Variants in CDH12 observed in about 807,000 individuals in gnomAD.
The protein encoded by CDH12 is cadherin 12, also known as cadherin-12.
Under a neutral mutation model 74.1 loss-of-function variants are expected in CDH12, and 41 were observed. The ratio of observed to expected loss-of-function variants is 0.55; its 90% confidence interval spans 0.43 to 0.72. The LOEUF is 0.72. CDH12 is among the 30% of genes least tolerant of loss of function. The pLI is 0.00. For missense variants in CDH12, 945 were observed against 977.2 expected (o/e 0.97, Z 0.44); for synonymous variants, 399 against 355.0 (o/e 1.12, Z -1.39).
chr5:22,497,877 A>C (rs1276147226), intron 2 of CDH12, among the ~76,000 whole-genome samples: 1 of 151,904 alleles, frequency 6.6e-6, no homozygotes, highest in African/African-American at 2.4e-5. Context: ...TCCTGACCTC[A>C]AGTGATCCGC....
intron 3 of CDH12, among the ~76,000 whole-genome samples, chr5:22,218,126 C>A (rs960159598): frequency 6.6e-6 from 1 of 151,650 alleles, no homozygotes; most frequent in Non-Finnish European, 1.5e-5. Context: ...AAACCTATAA[C>A]CCTAAAACAC....
intron 2 of CDH12, among the ~76,000 whole-genome samples, chr5:22,439,329 G>A (rs1425176458): frequency 6.6e-6 from 1 of 151,960 alleles, no homozygotes; most frequent in Non-Finnish European, 1.5e-5. Flanking sequence ...ACATTAAAAT[G>A]TATTGCTTCA....
At chr5:21,863,619 G>A (rs1341609020) in intron 6 of CDH12, among the ~76,000 whole-genome samples, 3 of 152,068 alleles carry the variant, frequency 2.0e-5, no homozygotes, top group African/African-American at 7.2e-5. Context: ...AGAGTGACCT[G>A]GTAGCTGGTT....
At chr5:22,331,457 T>C (rs562739456) in intron 3 of CDH12, among the ~76,000 whole-genome samples, 1 of 152,280 alleles carries the variant, frequency 6.6e-6, no homozygotes, top group South Asian at 2.1e-4. Flanking sequence ...CTAGATTATA[T>C]CTAAGACCAC....
At chr5:22,725,561 T>C (rs879840328) in intron 1 of CDH12, among the ~76,000 whole-genome samples, 1 of 149,466 alleles carries the variant, frequency 6.7e-6, no homozygotes, top group Non-Finnish European at 1.5e-5. Context: ...AAATTTATTT[T>C]GGTGGACGAG....
At chr5:22,633,956 T>C (rs1738707692) in intron 1 of CDH12, among the ~76,000 whole-genome samples, 2 of 152,256 alleles carry the variant, frequency 1.3e-5, no homozygotes, top group South Asian at 2.1e-4. Context: ...TGAACAATTA[T>C]AATGTATAAG....
At chr5:21,915,621 C>G (rs1031696433) in intron 6 of CDH12, among the ~76,000 whole-genome samples, 1 of 152,112 alleles carries the variant, frequency 6.6e-6, no homozygotes, top group Non-Finnish European at 1.5e-5. Context: ...GACTGGGTCA[C>G]AAACCCTGCT....
chr5:22,298,922 C>T (rs527397693), intron 3 of CDH12, among the ~76,000 whole-genome samples: 2 of 152,274 alleles, frequency 1.3e-5, no homozygotes, highest in East Asian at 3.9e-4. Context: ...ATTAATAACT[C>T]ATTACTCATT....
intron 6 of CDH12, among the ~76,000 whole-genome samples, chr5:21,947,537 C>A (rs983143007): frequency 2.6e-5 from 4 of 152,292 alleles, no homozygotes; most frequent in Non-Finnish European, 5.9e-5. Context: ...TCCTAGAGAT[C>A]TGTGGAACTT....
intron 8 of CDH12, among the ~76,000 whole-genome samples, chr5:21,828,760 G>T (rs1451411875): frequency 6.6e-6 from 1 of 151,290 alleles, no homozygotes; most frequent in Non-Finnish European, 1.5e-5. Flanking sequence ...TGTTTTACTT[G>T]TCTTCTACTT....
chr5:22,042,891 A>AAAG (rs565502240), intron 5 of CDH12, among the ~76,000 whole-genome samples: 23,688 of 119,390 alleles, frequency 0.2, 1,681 homozygotes, highest in South Asian at 0.26. Context: ...TTCTATCTCA[A>AAAG]AAAAAAAAAA....
rs372793876 is a variant in CDH12 at position 21,830,120 on chromosome 5, A to G, written c.814+12041T>C. ...AGGCTGAGGCAAGAGAATCACTTAA[A>G]CCCAGGAGGTGGAGGTTGCAGTGAG... On this transcript the variant is annotated intron_variant, in intron 8 of 14. Transcript: ENST00000382254. 5.0e-4 allele frequency among the ~76,000 whole-genome samples: 73 copies of G among 144,946 alleles called. 1 individual carries two copies. The South Asian group carries it at 0.016, about 31-fold the overall frequency.
intron 1 of CDH12, among the ~76,000 whole-genome samples, chr5:22,698,017 A>C (rs1742469258): frequency 6.6e-6 from 1 of 150,548 alleles, no homozygotes; most frequent in Admixed American, 6.6e-5. Flanking sequence ...ACCTATCCTG[A>C]GGTGTTTTGT....
At chr5:22,586,936 T>C (rs1482292887) in intron 1 of CDH12, among the ~76,000 whole-genome samples, 3 of 143,552 alleles carry the variant, frequency 2.1e-5, no homozygotes, top group Non-Finnish European at 4.5e-5. Flanking sequence ...AACCTCCGCC[T>C]CCTGGGTTCA....
chr5:22,455,812 A>G (rs1745241195), intron 2 of CDH12, among the ~76,000 whole-genome samples: 1 of 152,160 alleles, frequency 6.6e-6, no homozygotes, highest in African/African-American at 2.4e-5. Flanking sequence ...AGACAGGAAG[A>G]AAGCTAGGGA....
intron 3 of CDH12, among the ~76,000 whole-genome samples, chr5:22,325,270 A>G (rs1044953076): frequency 1.3e-5 from 2 of 152,204 alleles, no homozygotes; most frequent in Non-Finnish European, 2.9e-5. Context: ...ATTTTATGTG[A>G]TATAATGAAT....
intron 5 of CDH12, among the ~76,000 whole-genome samples, chr5:21,988,148 A>G (rs527259544): frequency 2.0e-5 from 3 of 152,144 alleles, no homozygotes; most frequent in South Asian, 4.2e-4. Context: ...CCCATATAAC[A>G]CTACAACAGG....
At chr5:21,866,589 G>T (rs1751339928) in intron 6 of CDH12, among the ~76,000 whole-genome samples, 1 of 152,134 alleles carries the variant, frequency 6.6e-6, no homozygotes, top group African/African-American at 2.4e-5. Context: ...CTTGGTGGAA[G>T]AAATTTCTAA....
intron 6 of CDH12, among the ~76,000 whole-genome samples, chr5:21,941,811 T>A (rs573026306): frequency 2.0e-5 from 3 of 150,722 alleles, no homozygotes; most frequent in African/African-American, 7.3e-5. Context: ...TGGCTGACTT[T>A]TTTTTTTCCC....
Sources: gnomAD v4.1 joint callset for allele counts (sites outside exome capture counted in the v4.1 genomes callset) on GRCh38, gnomAD v4.1.1 for gene constraint, MANE v1.5 for transcripts, NCBI Gene and HGNC (gene_info 2026-07-23, HGNC 2026-07-21) for gene names.